Variants in NUBPL observed in about 807,000 individuals in gnomAD.
The protein encoded by NUBPL is iron-sulfur cluster transfer protein NUBPL.
In NUBPL, 31 loss-of-function variants were observed where a neutral mutation model predicts 45.7. The observed-to-expected ratio is 0.68, with a 90% CI of 0.51 to 0.92. The LOEUF (loss-of-function observed/expected upper bound fraction) is 0.92. Among genes scored for constraint, NUBPL ranks in the 40% least tolerant of loss-of-function variants. The probability of loss-of-function intolerance (pLI) is 0.00; values close to 1 mark genes in which losing one functional copy is unlikely to be tolerated. For synonymous variants in NUBPL, 144 were observed against 140.9 expected, an observed-to-expected ratio of 1.02 and a Z score of -0.15; for missense variants, 401 against 398.7, an observed-to-expected ratio of 1.01 and a Z score of -0.05.
intron 7 of NUBPL, among the ~76,000 whole-genome samples, chr14:31,793,929 G>A (rs1380317729): frequency 1.1e-5 from 1 of 91,436 alleles, no homozygotes; most frequent in Non-Finnish European, 1.9e-5. Flanking sequence ...CCCTTCCTGT[G>A]TCCATGTGAT....
At chr14:31,675,945 G>A (rs2036684838) in intron 6 of NUBPL, among the ~76,000 whole-genome samples, 1 of 151,862 alleles carries the variant, frequency 6.6e-6, no homozygotes, top group Non-Finnish European at 1.5e-5. Flanking sequence ...CATACCCATA[G>A]ACAATCATTG....
intron 6 of NUBPL, among the ~76,000 whole-genome samples, chr14:31,765,481 C>G (rs1228605058): frequency 6.6e-6 from 1 of 152,186 alleles, no homozygotes; most frequent in African/African-American, 2.4e-5. Flanking sequence ...CCATATTAGG[C>G]TTGACTCTGC....
In NUBPL at chr14:31,846,506, G is replaced by C; in HGVS notation, c.729G>C (p.Gln243His). 1 of 1,613,142 alleles carries C rather than the reference G, an allele frequency of 6.2e-7. No individual in the cohort carries two copies. The highest frequency in any genetic ancestry group is 8.5e-7 in the Non-Finnish European group (1 of 1,179,548). ...LGLVQNMSVFQCPKCKHKTHI... is the reference protein window; with the variant it reads ...LGLVQNMSVFHCPKCKHKTHI... Reference sequence around the variant, plus strand: ...TTGTCCAAAACATGAGTGTTTTCCAGTGTCCAAAATGTAAACACAAAACTC... The same window carrying C: ...TTGTCCAAAACATGAGTGTTTTCCACTGTCCAAAATGTAAACACAAAACTC... The change falls in exon 9 of 11, where the codon CAG (glutamine) becomes CAC (histidine). Residue 243 changes from glutamine to histidine, a missense_variant. Physicochemically the swap from Gln to His is conservative, Grantham distance 24. Coordinates refer to ENST00000281081, the MANE Select transcript of NUBPL (RefSeq NM_025152.3).
intron 6 of NUBPL, among the ~76,000 whole-genome samples, chr14:31,707,540 G>C (rs920272744): frequency 6.6e-6 from 1 of 152,082 alleles, no homozygotes; most frequent in Non-Finnish European, 1.5e-5. Flanking sequence ...AGAGGGGCCT[G>C]GCTATCTCGC....
chr14:31,838,862 A>G (rs1425863309), intron 8 of NUBPL, among the ~76,000 whole-genome samples: 1 of 152,202 alleles, frequency 6.6e-6, no homozygotes, highest in African/African-American at 2.4e-5. Flanking sequence ...CATTTCAAGT[A>G]TCCAGTAGCC....
At chr14:31,565,509 C>T (rs1409733827) in intron 3 of NUBPL, among the ~76,000 whole-genome samples, 1 of 152,104 alleles carries the variant, frequency 6.6e-6, no homozygotes, top group Non-Finnish European at 1.5e-5. Flanking sequence ...CTATGTATAT[C>T]CTTTCAGCTC....
At chr14:31,846,300 T>C in intron 8 of NUBPL, 171 bp from the exon 9 acceptor site, 1 of 630,520 alleles carries the variant, frequency 1.6e-6, no homozygotes, top group Non-Finnish European at 2.8e-6. Context: ...TATGTCTTGC[T>C]CTCTTACTAG....
At position 31,761,147 on chromosome 14, in the gene NUBPL, C is replaced by T. The variant is rs1307255740; in HGVS notation, c.514-26633C>T. Among the ~76,000 whole-genome samples the T allele has an allele frequency of 4.6e-5, 7 of 152,018 alleles. No homozygotes were observed. The East Asian group carries it at 1.2e-3, about 25-fold the overall frequency. On this transcript the variant is annotated intron_variant, in intron 6 of 10. Coordinates refer to ENST00000281081, the MANE Select transcript of NUBPL (RefSeq NM_025152.3). ...CAACACCATTAAATGATGTATATAG[C>T]CTTTCAAGCTTACAATATTTAAGAA...
chr14:31,751,253 C>T (rs1008845956), intron 6 of NUBPL, among the ~76,000 whole-genome samples: 1 of 152,218 alleles, frequency 6.6e-6, no homozygotes, highest in Non-Finnish European at 1.5e-5. Flanking sequence ...AACAGTTCCC[C>T]AGAGTCTTAA....
chr14:31,800,204 T>C (rs1035417123), intron 7 of NUBPL, among the ~76,000 whole-genome samples: 1 of 152,186 alleles, frequency 6.6e-6, no homozygotes. Context: ...AGTTATTTCC[T>C]CCACTGAAAT....
chr14:31,840,410 A>C (rs1012720724), intron 8 of NUBPL, among the ~76,000 whole-genome samples: 2 of 152,048 alleles, frequency 1.3e-5, no homozygotes, highest in African/African-American at 4.8e-5. Flanking sequence ...CATCTCTACT[A>C]GAAATACAAA....
chr14:31,757,878 A>T (rs2038706022), intron 6 of NUBPL, among the ~76,000 whole-genome samples: 1 of 152,144 alleles, frequency 6.6e-6, no homozygotes, highest in South Asian at 2.1e-4. Context: ...ACCCAAGTTC[A>T]GAGTACATTT....
rs1460524598 is a variant in NUBPL at position 31,682,983 on chromosome 14, G to C, written c.513+9409G>C. Among the ~76,000 whole-genome samples, 5 of 150,996 alleles carry C rather than the reference G, an allele frequency of 3.3e-5. No individual in the cohort carries two copies. The South Asian group carries it at 1.0e-3, about 32-fold the overall frequency. On this transcript the variant is annotated intron_variant, in intron 6 of 10. Coordinates refer to ENST00000281081, the MANE Select transcript of NUBPL (RefSeq NM_025152.3). ...TATATGCAGAGATCACCTGACAAGA[G>C]AGAGGAAGTGAGGCGGGGAGGAGGT...
intron 4 of NUBPL, among the ~76,000 whole-genome samples, chr14:31,604,243 C>T (rs1173216947): frequency 6.8e-6 from 1 of 147,764 alleles, no homozygotes; most frequent in Non-Finnish European, 1.5e-5. Context: ...AAGAAATAAA[C>T]TGAATGATTA....
intron 8 of NUBPL, among the ~76,000 whole-genome samples, chr14:31,827,350 T>TA (rs11451016): frequency 0.37 from 50,918 of 139,382 alleles, 9,357 homozygotes; most frequent in South Asian, 0.46. Context: ...TCTACAAAGT[T>TA]AAAAAAAAAA....
intron 4 of NUBPL, among the ~76,000 whole-genome samples, chr14:31,648,849 G>A (rs757590300): frequency 1.4e-4 from 22 of 152,130 alleles, no homozygotes; most frequent in Non-Finnish European, 2.9e-4. Context: ...TCGTGTTTTC[G>A]CCAGGCTGGA....
At chr14:31,818,579 C>T (rs555304768) in intron 7 of NUBPL, among the ~76,000 whole-genome samples, 1 of 149,186 alleles carries the variant, frequency 6.7e-6, no homozygotes, top group African/African-American at 2.6e-5. Flanking sequence ...TGGAGTCTCG[C>T]ACTGTCACCC....
chr14:31,605,876 CT>C (rs1210920121), intron 4 of NUBPL, among the ~76,000 whole-genome samples: 19 of 145,422 alleles, frequency 1.3e-4, no homozygotes, highest in African/African-American at 4.7e-4. Context: ...CTCCTCCCTT[CT>C]TCCTCCTCCT....
At chr14:31,701,285 T>C (rs2037332027) in intron 6 of NUBPL, among the ~76,000 whole-genome samples, 1 of 152,162 alleles carries the variant, frequency 6.6e-6, no homozygotes, top group African/African-American at 2.4e-5. Context: ...CTTTTATGTC[T>C]AGCTAGAGAA....
Sources: allele counts gnomAD v4.1 joint callset (sites outside exome capture counted in the v4.1 genomes callset), GRCh38; gene constraint gnomAD v4.1.1; transcripts MANE v1.5; gene names NCBI Gene and HGNC (gene_info 2026-07-23, HGNC 2026-07-21).